TCEA1: variants seen among roughly 807,000 people sequenced by gnomAD.
TCEA1 encodes the protein transcription elongation factor A protein 1.
TCEA1 carries 21 observed loss-of-function variants against 43.8 expected under a neutral mutation model. The observed-to-expected ratio is 0.48, with a 90% CI of 0.34 to 0.69. TCEA1 has a LOEUF of 0.69. TCEA1 is among the 30% of genes least tolerant of loss of function. TCEA1 has a pLI of 0.01. For missense variants in TCEA1, 250 were observed against 365.1 expected (o/e 0.68, Z 2.57); for synonymous variants, 104 against 117.5 (o/e 0.88, Z 0.75).
rs182160110 is a variant in TCEA1 at position 53,986,081 on chromosome 8, T to C, written c.523+888A>G. On this transcript the variant is annotated intron_variant, in intron 6 of 9. Coordinates refer to ENST00000521604, the MANE Select transcript of TCEA1 (RefSeq NM_006756.4). Reference sequence around the variant, plus strand: ...TTGAATTCTATACCAACAGGAAAAATTAAGCTAGCAGATTACTTAAAACAA... The same window carrying C: ...TTGAATTCTATACCAACAGGAAAAACTAAGCTAGCAGATTACTTAAAACAA... 2.6e-5 allele frequency among the ~76,000 whole-genome samples: 4 copies of C among 152,236 alleles called. No homozygotes were observed. The East Asian group carries it at 7.7e-4, about 29-fold the overall frequency.
intron 8 of TCEA1, chr8:53,971,780 G>C: frequency 4.2e-6 from 1 of 236,400 alleles, no homozygotes; most frequent in South Asian, 5.6e-5. Flanking sequence ...AAAAACTCCA[G>C]ACTAAAAAAG....
At chr8:53,977,010 C>G (rs1037757650) in intron 8 of TCEA1, among the ~76,000 whole-genome samples, 1 of 152,182 alleles carries the variant, frequency 6.6e-6, no homozygotes, top group African/African-American at 2.4e-5. Context: ...TAACATTTTC[C>G]ATATGTGTTT....
intron 3 of TCEA1, among the ~76,000 whole-genome samples, chr8:53,997,872 CA>C (rs994287647): frequency 1.3e-5 from 2 of 151,932 alleles, no homozygotes; most frequent in African/African-American, 4.8e-5. Flanking sequence ...TATTTCAACA[CA>C]AAACAAAAAA....
chr8:54,006,590 C>G (rs1198723908), intron 2 of TCEA1, among the ~76,000 whole-genome samples: 3 of 152,198 alleles, frequency 2.0e-5, no homozygotes, highest in Non-Finnish European at 4.4e-5. Context: ...ATCCAACCTC[C>G]ATACTCTCTC....
In TCEA1 at chr8:54,022,046, C is replaced by A. The variant is rs778505664; in HGVS notation, c.63+17G>T. The A allele has an allele frequency of 2.6e-6, 4 of 1,527,596 alleles. No individual in the cohort carries two copies. Among genetic ancestry groups the A allele is most frequent in the Non-Finnish European group, 2.6e-6 (3 of 1,133,578 alleles). The allele number at this position is 1,527,596 out of a possible 1,614,324, so 94.6% of individuals were successfully genotyped here. On this transcript the variant is annotated intron_variant, in intron 1 of 9. Coordinates refer to ENST00000521604, the MANE Select transcript of TCEA1 (RefSeq NM_006756.4). ...GGCCCGGCCTCCCTCCCGGCCCGCGCCGCTCGCCGCGCTCACCGCGTTCTT... is the reference window on the plus strand; with the variant it reads ...GGCCCGGCCTCCCTCCCGGCCCGCGACGCTCGCCGCGCTCACCGCGTTCTT...
intron 8 of TCEA1, among the ~76,000 whole-genome samples, chr8:53,970,944 T>C (rs1803138358): frequency 6.6e-6 from 1 of 152,236 alleles, no homozygotes; most frequent in African/African-American, 2.4e-5. Context: ...GCATTGTCTG[T>C]AACCTAGAAA....
At chr8:54,022,001 GC>G in intron 1 of TCEA1, 61 bp downstream of exon 1, 15 of 1,426,590 alleles carry the variant, frequency 1.1e-5, no homozygotes, top group South Asian at 1.4e-5. Context: ...GGAGGGGGCG[GC>G]CCCCTCGGGC....
chr8:54,018,691 T>C (rs776983124), intron 1 of TCEA1, among the ~76,000 whole-genome samples: 48 of 152,350 alleles, frequency 3.2e-4, no homozygotes, highest in Non-Finnish European at 5.4e-4. Context: ...TGTGGTTCAC[T>C]GTGGCTTGGT....
chr8:54,020,899 C>CT (rs1805000856), intron 1 of TCEA1, among the ~76,000 whole-genome samples: 1 of 152,042 alleles, frequency 6.6e-6, no homozygotes, highest in South Asian at 2.1e-4. Flanking sequence ...ATAAGTTTAC[C>CT]TGAGAGGCCA....
At position 53,988,391 on chromosome 8, in the gene TCEA1, A is replaced by G. The variant is rs112153999; in HGVS notation, c.321-132T>C. 9.1e-6 allele frequency: 10 copies of G among 1,097,106 alleles called. No homozygotes were observed. In the African/African-American group the frequency reaches 1.4e-4, roughly 15 times the overall value. 68.0% of individuals were successfully genotyped at this position (1,097,106 alleles called of 1,614,324 possible). ...ACAGTATCTCAGTGACCTTTATGTG[A>G]TGGAAAAAAAATTGCCTGCATACAG... On this transcript the variant is annotated intron_variant, in intron 4 of 9. Transcript: ENST00000521604.
intron 8 of TCEA1, chr8:53,972,841 GTTGT>G: frequency 1.4e-6 from 1 of 721,208 alleles, no homozygotes; most frequent in Admixed American, 1.8e-5. Context: ...TTTGAAAGTA[GTTGT>G]TCTTTCACAG....
Position 53,999,936 on chromosome 8 carries a change from C to G in TCEA1, c.232+9G>C. ...ATCATAAATATATGTAAGGGAAGAT[C>G]AATGATACCTAATAATTTTTTCCAG... is the stretch of plus-strand genomic sequence containing the variant. On this transcript the variant is annotated intron_variant, in intron 3 of 9. Coordinates refer to ENST00000521604, the MANE Select transcript of TCEA1 (RefSeq NM_006756.4). The G allele has an allele frequency of 6.7e-7, 1 of 1,502,486 alleles. No homozygotes were observed. Among genetic ancestry groups the G allele is most frequent in the Non-Finnish European group, 9.2e-7 (1 of 1,088,148 alleles). The allele number at this position is 1,502,486 out of a possible 1,614,324, so 93.1% of individuals were successfully genotyped here.
rs572800720 is a variant in TCEA1, at chr8:53,987,679, C to T, written c.466+435G>A. ...ATACTTTCAAATTAAATTAAGCTCC[C>T]ATATATAAATCAAGACTCACCCTCC... On this transcript the variant is annotated intron_variant, in intron 5 of 9. Transcript: ENST00000521604. Among the ~76,000 whole-genome samples the T allele has an allele frequency of 3.9e-5, 6 of 152,204 alleles. No individual in the cohort carries two copies. The South Asian group carries it at 1.0e-3, about 26-fold the overall frequency.
intron 8 of TCEA1, 124 bp from the exon 9 acceptor site, chr8:53,970,587 T>C: frequency 3.6e-6 from 2 of 555,616 alleles, no homozygotes; most frequent in Non-Finnish European, 6.3e-6. Context: ...TGAATAGAAG[T>C]CTGAAACAAG....
Position 54,022,041 on chromosome 8 carries a change from C to A in TCEA1, c.63+22G>T, listed in dbSNP as rs777213645. The A allele has an allele frequency of 3.2e-6, 5 of 1,579,696 alleles. No individual in the cohort carries two copies. The South Asian group carries it at 3.4e-5, about 11-fold the overall frequency. On this transcript the variant is annotated intron_variant, in intron 1 of 9. Coordinates refer to ENST00000521604, the MANE Select transcript of TCEA1 (RefSeq NM_006756.4). ...ACCGCGGCCCGGCCTCCCTCCCGGCCCGCGCCGCTCGCCGCGCTCACCGCG... is the reference window on the plus strand; with the variant it reads ...ACCGCGGCCCGGCCTCCCTCCCGGCACGCGCCGCTCGCCGCGCTCACCGCG...
At chr8:53,969,244 A>G (rs1216444277) in intron 9 of TCEA1, among the ~76,000 whole-genome samples, 1 of 152,106 alleles carries the variant, frequency 6.6e-6, no homozygotes, top group Non-Finnish European at 1.5e-5. Context: ...GAGCTGAGAT[A>G]GCGCCACTGC....
chr8:53,997,687 C>A (rs1322730638), intron 3 of TCEA1, among the ~76,000 whole-genome samples: 1 of 152,138 alleles, frequency 6.6e-6, no homozygotes, highest in Non-Finnish European at 1.5e-5. Flanking sequence ...TCGCTTGAGC[C>A]CAAGAGTCCA....
rs558788906 is a variant in TCEA1, at chr8:53,982,613, C to CAA, written c.678+1748_678+1749dup. 4.3e-3 allele frequency among the ~76,000 whole-genome samples: 250 copies of CAA among 57,632 alleles called. 1 individual carries two copies. Among genetic ancestry groups the CAA allele is most frequent in the East Asian group, 0.011 (21 of 1,860 alleles). 37.8% of individuals were successfully genotyped at this position (57,632 alleles called of 152,430 possible). On this transcript the variant is annotated intron_variant, in intron 7 of 9. Coordinates refer to ENST00000521604, the MANE Select transcript of TCEA1 (RefSeq NM_006756.4). ...ACAACAGTGAAACTCCATTCCCCAC[C>CAA]AAAAAAAAAAAAAAAAAAAAAAAAT...
chr8:54,017,855 G>A (rs549158756), intron 1 of TCEA1, among the ~76,000 whole-genome samples: 1 of 152,272 alleles, frequency 6.6e-6, no homozygotes, highest in Admixed American at 6.5e-5. Flanking sequence ...AGGAGGCGGA[G>A]GTTGCAGTGA....
Sources: allele counts gnomAD v4.1 joint callset (sites outside exome capture counted in the v4.1 genomes callset), GRCh38; gene constraint gnomAD v4.1.1; transcripts MANE v1.5; gene names NCBI Gene and HGNC (gene_info 2026-07-23, HGNC 2026-07-21).